Variants in EYA3 observed in about 807,000 individuals in gnomAD.
The protein encoded by EYA3 is protein phosphatase EYA3.
A neutral mutation model predicts 80.0 loss-of-function variants in EYA3; 39 were observed. The observed-to-expected ratio is 0.49, with a 90% confidence interval of 0.38 to 0.64. EYA3 has a LOEUF of 0.64. Among genes scored for constraint, EYA3 ranks in the 30% least tolerant of loss-of-function variants. The pLI is 0.00. For synonymous variants in EYA3, 206 were observed against 232.8 expected (o/e 0.88, Z 1.05); for missense variants, 523 against 676.1 (o/e 0.77, Z 2.51).
At chr1:28,088,182 G>A (rs1346314317) in intron 1 of EYA3, among the ~76,000 whole-genome samples, 1 of 152,102 alleles carries the variant, frequency 6.6e-6, no homozygotes, top group Non-Finnish European at 1.5e-5. Context: ...TCAGGGGTAG[G>A]GGAAAAGAGG....
At chr1:28,051,375 G>GC (rs1360485166) in intron 2 of EYA3, among the ~76,000 whole-genome samples, 1 of 151,902 alleles carries the variant, frequency 6.6e-6, no homozygotes, top group African/African-American at 2.4e-5. Context: ...ATTCACAATA[G>GC]CATCAAAAGG....
At position 28,073,117 on chromosome 1, in the gene EYA3, ATATATATATATTTTT is replaced by A. The variant is rs1453219522; in HGVS notation, c.-68-15038_-68-15024del. Among the ~76,000 whole-genome samples, 7 of 47,442 alleles carry A rather than the reference ATATATATATATTTTT, an allele frequency of 1.5e-4. 1 individual carries two copies. Among genetic ancestry groups the A allele is most frequent in the African/African-American group, 8.0e-4 (7 of 8,710 alleles). 31.1% of individuals were successfully genotyped at this position (47,442 alleles called of 152,430 possible). A position where few individuals can be genotyped will look rare whatever the true frequency, so the allele number is the denominator to read the frequency against. On this transcript the variant is annotated intron_variant, in intron 1 of 17. Transcript: ENST00000373871. ...TGATGAAACTATTATATATATATATATATATATATATTTTTTTTTTTTTTTTTTTTTTTTAGATAG... is the reference window on the plus strand; with the variant it reads ...TGATGAAACTATTATATATATATATATTTTTTTTTTTTTTTTTTTAGATAG...
chr1:28,005,279 T>C (rs1641184043), intron 10 of EYA3, among the ~76,000 whole-genome samples: 1 of 152,036 alleles, frequency 6.6e-6, no homozygotes, highest in Admixed American at 6.6e-5. Context: ...TTAACACGAA[T>C]CCTCCTTAAA....
chr1:27,988,420 A>G, intron 16 of EYA3, 115 bp downstream of exon 16: 1 of 1,140,004 alleles, frequency 8.8e-7, no homozygotes, highest in South Asian at 1.6e-5. Flanking sequence ...TGTTGTGAGG[A>G]CTGTAGGTAT....
In EYA3 at chr1:28,017,052, C is replaced by T. The variant is rs1228453975; in HGVS notation, c.585+102G>A. 18 of 981,506 alleles carry T rather than the reference C, an allele frequency of 1.8e-5. No individual in the cohort carries two copies. In the Admixed American group the frequency reaches 2.2e-4, roughly 12 times the overall value. The allele number at this position is 981,506 out of a possible 1,614,324, so 60.8% of individuals were successfully genotyped here. On this transcript the variant is annotated intron_variant, in intron 8 of 17. Coordinates refer to ENST00000373871, the MANE Select transcript of EYA3 (RefSeq NM_001990.4). ...CAGAAAAAAGTCTCCACAGCCCATA[C>T]TATTCCTGGTTGTTTCTTAGATAGG...
intron 2 of EYA3, among the ~76,000 whole-genome samples, chr1:28,051,406 G>A (rs1461574813): frequency 1.3e-5 from 2 of 152,090 alleles, no homozygotes; most frequent in East Asian, 3.8e-4. Flanking sequence ...TTAGGAATAT[G>A]GCCGGGTCCA....
At chr1:28,025,911 C>T (rs990418154) in intron 7 of EYA3, among the ~76,000 whole-genome samples, 1 of 152,182 alleles carries the variant, frequency 6.6e-6, no homozygotes, top group African/African-American at 2.4e-5. Flanking sequence ...AGGCATGCGC[C>T]ACCACACCCG....
chr1:27,987,750 G>A (rs1286676361), intron 16 of EYA3, among the ~76,000 whole-genome samples: 41 of 152,240 alleles, frequency 2.7e-4, no homozygotes, highest in Non-Finnish European at 4.4e-5. Context: ...GCAGTGGCGC[G>A]ATCTCAGCTT....
intron 10 of EYA3, 117 bp from the exon 11 acceptor site, chr1:28,004,536 C>T (rs1641132818): frequency 7.8e-6 from 5 of 638,158 alleles, no homozygotes; most frequent in Non-Finnish European, 1.4e-5. Context: ...TTAAACAATA[C>T]AATCCTAAAC....
At chr1:28,027,538 A>C (rs894887272) in intron 7 of EYA3, among the ~76,000 whole-genome samples, 27 of 152,144 alleles carry the variant, frequency 1.8e-4, no homozygotes, top group African/African-American at 5.8e-4. Context: ...CTGGACACCA[A>C]CATGCAAAAG....
intron 2 of EYA3, among the ~76,000 whole-genome samples, chr1:28,053,971 G>C (rs1227471517): frequency 6.6e-6 from 1 of 152,072 alleles, no homozygotes; most frequent in Non-Finnish European, 1.5e-5. Flanking sequence ...TTGTAATCTT[G>C]GCAATAATAA....
At chr1:28,015,939 G>T (rs1288777353) in intron 8 of EYA3, among the ~76,000 whole-genome samples, 2 of 152,144 alleles carry the variant, frequency 1.3e-5, no homozygotes, top group African/African-American at 4.8e-5. Context: ...TGGAATAAAA[G>T]TCTGATTTTA....
chr1:28,058,728 C>T (rs1644514874), intron 1 of EYA3, among the ~76,000 whole-genome samples: 1 of 152,164 alleles, frequency 6.6e-6, no homozygotes, highest in Admixed American at 6.5e-5. Context: ...TAATGAACTT[C>T]TACTAACTGT....
intron 11 of EYA3, 121 bp from the exon 12 acceptor site, chr1:28,000,170 A>T: frequency 1.8e-6 from 1 of 550,916 alleles, no homozygotes; most frequent in Non-Finnish European, 3.2e-6. Flanking sequence ...TGTGCTTCAA[A>T]CTATCATTGA....
intron 10 of EYA3, among the ~76,000 whole-genome samples, chr1:28,004,821 G>A (rs187940424): frequency 8.0e-4 from 121 of 151,934 alleles, no homozygotes; most frequent in African/African-American, 2.8e-3. Flanking sequence ...GCAGTAGGAA[G>A]GAAATAACAA....
intron 12 of EYA3, among the ~76,000 whole-genome samples, chr1:27,999,101 T>G (rs149392902): frequency 6.6e-6 from 1 of 152,320 alleles, no homozygotes; most frequent in African/African-American, 2.4e-5. Flanking sequence ...CTTTAAAATT[T>G]TCACTATTTT....
intron 5 of EYA3, among the ~76,000 whole-genome samples, chr1:28,038,462 AAAC>A (rs1391337788): frequency 2.0e-5 from 3 of 149,348 alleles, no homozygotes; most frequent in Non-Finnish European, 3.0e-5. Context: ...AAAAAAAAAA[AAAC>A]CGAACACAGA....
chr1:28,062,545 A>G (rs1259131987), intron 1 of EYA3, among the ~76,000 whole-genome samples: 1 of 152,118 alleles, frequency 6.6e-6, no homozygotes, highest in East Asian at 1.9e-4. Context: ...TTTTGTCCCA[A>G]GTTCAACATA....
intron 1 of EYA3, among the ~76,000 whole-genome samples, chr1:28,069,334 C>T (rs774722393): frequency 6.6e-5 from 10 of 151,886 alleles, no homozygotes; most frequent in Non-Finnish European, 1.0e-4. Context: ...GCCTCAAACT[C>T]CTGAGCTCAA....
Sources: allele counts gnomAD v4.1 joint callset (sites outside exome capture counted in the v4.1 genomes callset), GRCh38; gene constraint gnomAD v4.1.1; transcripts MANE v1.5; gene names NCBI Gene and HGNC (gene_info 2026-07-23, HGNC 2026-07-21).